The following NTHL1 variants were observed in gnomAD, a reference collection of about 807,000 sequenced individuals.
NTHL1 encodes nth like DNA glycosylase 1, also known as endonuclease III-like protein 1.
NTHL1 carries 32 observed loss-of-function variants against 32.3 expected under a neutral mutation model. That is an observed-to-expected ratio of 0.99 (90% CI 0.75 to 1.33). The LOEUF is 1.33. NTHL1 is among the 40% of genes most tolerant of loss of function. The pLI, the probability that NTHL1 is intolerant of heterozygous loss-of-function variation, is 0.00. For synonymous variants in NTHL1, 188 were observed against 176.9 expected, an observed-to-expected ratio of 1.06 and a Z score of -0.50; for missense variants, 501 against 414.1, an observed-to-expected ratio of 1.21 and a Z score of -1.82.
chr16:2,046,495 G>A, intron 1 of NTHL1, 129 bp from the exon 2 acceptor site: 2 of 843,870 alleles, frequency 2.4e-6, no homozygotes. Flanking sequence ...TACACTTGGG[G>A]TGCTCTGCCC....
At chr16:2,042,486 C>A (rs1312388254) in intron 4 of NTHL1, among the ~76,000 whole-genome samples, 2 of 152,176 alleles carry the variant, frequency 1.3e-5, no homozygotes, top group East Asian at 3.9e-4. Flanking sequence ...CTCTTGCCCA[C>A]CAGAAAGTGC....
At position 2,043,851 on chromosome 16, in the gene NTHL1, A is replaced by C; in HGVS notation, c.526-125T>G. 8.6e-7 allele frequency: 1 copy of C among 1,156,120 alleles called. No individual in the cohort carries two copies. The highest frequency in any genetic ancestry group is 1.5e-5 in the African/African-American group (1 of 66,184). 71.6% of individuals were successfully genotyped at this position (1,156,120 alleles called of 1,614,324 possible). A position where few individuals can be genotyped will look rare whatever the true frequency, so the allele number is the denominator to read the frequency against. On this transcript the variant is annotated intron_variant, in intron 3 of 5. Transcript: ENST00000651570. The surrounding 1 kb of genome is among the most constrained non-coding windows in gnomAD (Gnocchi z 4.4). ...ACCTGCTGAGGACGTGTGCAAGCTC[A>C]GCCCCCGCCCCCCAGGAGGCGGGAA...
intron 2 of NTHL1, 35 bp downstream of exon 2, chr16:2,046,092 TG>T (rs3211971): frequency 1.9e-6 from 3 of 1,549,578 alleles, no homozygotes; most frequent in Non-Finnish European, 2.7e-6. Context: ...CTTGCTAAGA[TG>T]GGGGGTCATC....
At chr16:2,040,464 G>A (rs1486966454) in intron 4 of NTHL1, 1 of 610,492 alleles carries the variant, frequency 1.6e-6, no homozygotes. Context: ...CCCATCACCT[G>A]AGCCAGCCTG....
rs529997128 is a variant in NTHL1 at position 2,047,766 on chromosome 16, C to T, written c.58G>A (p.Gly20Arg). The change falls in exon 1 of 6, where the codon GGG becomes AGG. Residue 20 changes from glycine (G) to arginine (R), a missense_variant. Coordinates refer to ENST00000651570, the MANE Select transcript of NTHL1 (RefSeq NM_002528.7). The part of the protein sequence containing the change: ...TRSRSLGPGA[G>R]PRGCREEPGP... The stretch of plus-strand genomic sequence containing the variant: ...GGCTCCTCCCTACACCCCCGCGGCC[C>T]AGCCCCGGGTCCCAGGCTCCGGCTC... 4 of 1,587,444 alleles carry T rather than the reference C, an allele frequency of 2.5e-6. No homozygotes were observed. Among genetic ancestry groups the T allele is most frequent in the Non-Finnish European group, 3.4e-6 (4 of 1,172,432 alleles).
rs2084294156 is a variant in NTHL1 at position 2,043,280 on chromosome 16, T to TG, written c.685+286dup. ...ACCATCAGGGTTTCCACTCCACGAG[T>TG]GGGGAATTCCTCGCTCCACATTTCT... On this transcript the variant is annotated intron_variant, in intron 4 of 5. Coordinates refer to ENST00000651570, the MANE Select transcript of NTHL1 (RefSeq NM_002528.7). The surrounding 1 kb of genome is among the most constrained non-coding windows in gnomAD (Gnocchi z 4.4). Among the ~76,000 whole-genome samples the TG allele has an allele frequency of 6.6e-6, 1 of 151,302 alleles. No homozygotes were observed. Among genetic ancestry groups the TG allele is most frequent in the Admixed American group, 6.6e-5 (1 of 15,212 alleles).
intron 4 of NTHL1, among the ~76,000 whole-genome samples, chr16:2,041,506 G>A (rs1026959020): frequency 2.0e-5 from 3 of 151,702 alleles, no homozygotes; most frequent in Non-Finnish European, 4.4e-5. Context: ...ACAATGGTGC[G>A]ATCTCCACTC....
rs2150957226 is a variant in NTHL1 at position 2,047,707 on chromosome 16, A to C, written c.115+2T>G. ...CACGCTCCAGCCACGGCGCGGCGCTACCTGCTGCAGCCTCTCTTCTCCGGA... is the reference window on the plus strand; with the variant it reads ...CACGCTCCAGCCACGGCGCGGCGCTCCCTGCTGCAGCCTCTCTTCTCCGGA... On this transcript the variant is annotated splice_donor_variant, in intron 1 of 5. Transcript: ENST00000651570. LOFTEE classifies it high-confidence loss of function. The C allele has an allele frequency of 6.3e-7, 1 of 1,576,452 alleles. No homozygotes were observed. The highest frequency in any genetic ancestry group is 8.6e-7 in the Non-Finnish European group (1 of 1,168,680).
In NTHL1 at chr16:2,040,268, G is replaced by C. The variant is rs747900248; in HGVS notation, c.686-30C>G. 8 of 1,597,020 alleles carry C rather than the reference G, an allele frequency of 5.0e-6. No homozygotes were observed. In the East Asian group the frequency reaches 1.3e-4, roughly 27 times the overall value. Reference sequence around the variant, plus strand: ...TGGGAGGCCAAGCGGGGTGAACAGGGGCACACTCCACCAGCCTAGCCCGTG... The same window carrying C: ...TGGGAGGCCAAGCGGGGTGAACAGGCGCACACTCCACCAGCCTAGCCCGTG... On this transcript the variant is annotated intron_variant, in intron 4 of 5. Transcript: ENST00000651570.
chr16:2,045,962 TGCTG>T, intron 2 of NTHL1, among the ~76,000 whole-genome samples, 162 bp downstream of exon 2: 1 of 152,312 alleles, frequency 6.6e-6, no homozygotes, highest in South Asian at 2.1e-4. Flanking sequence ...TGTCCTGACC[TGCTG>T]AGTGGCTACA....
intron 2 of NTHL1, among the ~76,000 whole-genome samples, chr16:2,045,924 G>T (rs1421911268): frequency 6.6e-6 from 1 of 152,200 alleles, no homozygotes; most frequent in East Asian, 1.9e-4. Flanking sequence ...CTGGGCAGAA[G>T]TTCGAGCACG....
intron 4 of NTHL1, chr16:2,040,558 C>G: frequency 2.1e-6 from 1 of 480,562 alleles, no homozygotes; most frequent in Non-Finnish European, 3.8e-6. Context: ...TGGGCAGGGC[C>G]TGGGGGTGAT....
Position 2,047,721 on chromosome 16 carries a change from C to T in NTHL1, c.103G>A (p.Glu35Lys), listed in dbSNP as rs747272786. 6.3e-7 allele frequency: 1 copy of T among 1,583,288 alleles called. No individual in the cohort carries two copies. Among genetic ancestry groups the T allele is most frequent in the Non-Finnish European group, 8.5e-7 (1 of 1,171,452 alleles). Reference protein sequence around the residue: ...REEPGPLRRREAAAEARKSHS... With the variant: ...REEPGPLRRRKAAAEARKSHS... The stretch of plus-strand genomic sequence containing the variant: ...GGCGCGGCGCTACCTGCTGCAGCCT[C>T]TCTTCTCCGGAGAGGCCCGGGCTCC... Residue 35 changes from glutamate (E) to lysine (K), a missense_variant, in exon 1 of 6, where the codon GAG (glutamate) becomes AAG (lysine). Physicochemically the swap from Glu to Lys is moderately conservative, Grantham distance 56. Coordinates refer to ENST00000651570, the MANE Select transcript of NTHL1 (RefSeq NM_002528.7).
chr16:2,047,326 G>A (rs1466825032), intron 1 of NTHL1: 3 of 288,956 alleles, frequency 1.0e-5, no homozygotes, highest in African/African-American at 6.9e-5. Context: ...CCTCCCCCGA[G>A]CTGGGGGAGC....
chr16:2,041,913 C>T (rs559046969), intron 4 of NTHL1: 20 of 393,016 alleles, frequency 5.1e-5, no homozygotes, highest in East Asian at 3.7e-4. Flanking sequence ...TGGCCACACC[C>T]GGCTAATTTT....
chr16:2,043,367 G>C lies in NTHL1; in HGVS notation c.685+200C>G. On this transcript the variant is annotated intron_variant, in intron 4 of 5. Coordinates refer to ENST00000651570, the MANE Select transcript of NTHL1 (RefSeq NM_002528.7). This position sits in a 1 kb window ranked among gnomAD's most constrained non-coding sequence, Gnocchi z 4.4. ...CTCTCTCAGAGCCCTGCACGGAGCAGGTGCTCAGCCCATGTGACCTCCTGC... is the reference window on the plus strand; with the variant it reads ...CTCTCTCAGAGCCCTGCACGGAGCACGTGCTCAGCCCATGTGACCTCCTGC... 1.5e-6 allele frequency: 1 copy of C among 661,186 alleles called. No homozygotes were observed. Among genetic ancestry groups the C allele is most frequent in the South Asian group, 1.8e-5 (1 of 54,730 alleles). The allele number at this position is 661,186 out of a possible 1,614,324, so 41.0% of individuals were successfully genotyped here.
At position 2,043,839 on chromosome 16, in the gene NTHL1, G is replaced by T; in HGVS notation, c.526-113C>A. 1.6e-6 allele frequency: 2 copies of T among 1,283,610 alleles called. No homozygotes were observed. The highest frequency in any genetic ancestry group is 2.4e-5 in the East Asian group (1 of 41,784). The allele number at this position is 1,283,610 out of a possible 1,614,324, so 79.5% of individuals were successfully genotyped here. A position where few individuals can be genotyped will look rare whatever the true frequency, so the allele number is the denominator to read the frequency against. ...AGAGCTACCTGCACCTGCTGAGGAC[G>T]TGTGCAAGCTCAGCCCCCGCCCCCC... On this transcript the variant is annotated intron_variant, in intron 3 of 5. Coordinates refer to ENST00000651570, the MANE Select transcript of NTHL1 (RefSeq NM_002528.7). This position sits in a 1 kb window ranked among gnomAD's most constrained non-coding sequence, Gnocchi z 4.4.
In NTHL1 at chr16:2,047,795, G is replaced by A. The variant is rs370539291; in HGVS notation, c.29C>T (p.Thr10Ile). Reference sequence around the variant, plus strand: ...CCCGGGTCCCAGGCTCCGGCTCCGGGTCAGCATCCTCGCGCTCAAGGCGGT... The same window carrying A: ...CCCGGGTCCCAGGCTCCGGCTCCGGATCAGCATCCTCGCGCTCAAGGCGGT... MTALSARML[T>I]RSRSLGPGAG... The change falls in exon 1 of 6, where the codon ACC becomes ATC. Residue 10 changes from threonine (T) to isoleucine (I), a missense_variant. Physicochemically the swap from Thr to Ile is moderately conservative, Grantham distance 89. Coordinates refer to ENST00000651570, the MANE Select transcript of NTHL1 (RefSeq NM_002528.7). 5.7e-6 allele frequency: 9 copies of A among 1,591,802 alleles called. No individual in the cohort carries two copies. Among genetic ancestry groups the A allele is most frequent in the Admixed American group, 1.7e-5 (1 of 59,118 alleles).
At chr16:2,040,330 C>T (rs900740357) in intron 4 of NTHL1, 92 bp from the exon 5 acceptor site, 52 of 1,150,072 alleles carry the variant, frequency 4.5e-5, no homozygotes, top group South Asian at 1.3e-4. Context: ...CCACCACCCC[C>T]GTGGCCCTCC....
Sources: gnomAD v4.1 joint callset for allele counts (sites outside exome capture counted in the v4.1 genomes callset) on GRCh38, gnomAD v4.1.1 for gene constraint, Gnocchi (gnomAD v3.1) non-coding constraint, MANE v1.5 for transcripts, NCBI Gene and HGNC (gene_info 2026-07-23, HGNC 2026-07-21) for gene names.